The following OGA variants were observed in gnomAD, a reference collection of about 807,000 sequenced individuals.
OGA encodes the protein O-GlcNAcase.
OGA carries 21 observed loss-of-function variants against 102.0 expected under a neutral mutation model. That is an observed-to-expected ratio of 0.21 (90% CI 0.15 to 0.30). OGA has a LOEUF of 0.30. OGA is among the 10% of genes least tolerant of loss of function. The pLI is 1.00. For missense variants in OGA, 765 were observed against 1,107.8 expected, an observed-to-expected ratio of 0.69 and a Z score of 4.39; for synonymous variants, 408 against 378.2, an observed-to-expected ratio of 1.08 and a Z score of -0.91.
chr10:101,807,902 C>T lies in OGA; in HGVS notation c.481-1G>A. On this transcript the variant is annotated splice_acceptor_variant, in intron 4 of 15. Transcript: ENST00000361464. LOFTEE classifies it high-confidence loss of function. ...ATGATCTGCACCCAAACTGAGAAAC[C>T]TAGGAGAAAAAAAAAAAAAAGAATC... 6.7e-7 allele frequency: 1 copy of T among 1,484,574 alleles called. No individual in the cohort carries two copies. The highest frequency in any genetic ancestry group is 8.9e-7 in the Non-Finnish European group (1 of 1,119,260). The allele number at this position is 1,484,574 out of a possible 1,614,324, so 92.0% of individuals were successfully genotyped here.
intron 5 of OGA, among the ~76,000 whole-genome samples, chr10:101,806,899 C>T (rs1244791245): frequency 6.6e-6 from 1 of 152,130 alleles, no homozygotes; most frequent in Admixed American, 6.5e-5. Context: ...TATGGCGAAA[C>T]CCCGTCTCTA....
chr10:101,793,698 C>T (rs2065283962), intron 11 of OGA: 8 of 473,656 alleles, frequency 1.7e-5, no homozygotes, highest in South Asian at 8.8e-5. Context: ...AGAGCCGCTG[C>T]GCTTCGCAGG....
At chr10:101,816,799 T>C (rs1237539822) in intron 1 of OGA, among the ~76,000 whole-genome samples, 1 of 152,020 alleles carries the variant, frequency 6.6e-6, no homozygotes, top group Admixed American at 6.5e-5. Context: ...AAGAATACTC[T>C]AATTTATATG....
At chr10:101,789,132 G>A (rs1200742585) in intron 14 of OGA, among the ~76,000 whole-genome samples, 2 of 152,166 alleles carry the variant, frequency 1.3e-5, no homozygotes, top group Non-Finnish European at 2.9e-5. Context: ...AAGTAAGCGA[G>A]GCAACACCAA....
intron 10 of OGA, among the ~76,000 whole-genome samples, chr10:101,795,654 G>A (rs1163290107): frequency 3.9e-5 from 6 of 152,140 alleles, no homozygotes; most frequent in African/African-American, 9.7e-5. Context: ...TCTCCCTGTC[G>A]TGAGCTTTTG....
intron 7 of OGA, among the ~76,000 whole-genome samples, chr10:101,803,460 A>C (rs2065423845): frequency 6.7e-6 from 1 of 150,098 alleles, no homozygotes; most frequent in Admixed American, 6.6e-5. Flanking sequence ...AAAAAAAAAA[A>C]AACAAAAAAA....
At chr10:101,805,800 A>G (rs1222100905) in intron 6 of OGA, among the ~76,000 whole-genome samples, 1 of 142,538 alleles carries the variant, frequency 7.0e-6, no homozygotes, top group Non-Finnish European at 1.5e-5. Flanking sequence ...CTAAAAATAC[A>G]AAAAATTAGC....
At chr10:101,805,823 C>T (rs112825978) in intron 6 of OGA, among the ~76,000 whole-genome samples, 357 of 151,932 alleles carry the variant, frequency 2.3e-3, no homozygotes, top group African/African-American at 8.0e-3. Context: ...GGCGTGGTGG[C>T]GGGTGCCTGT....
At chr10:101,797,703 G>A in intron 10 of OGA, 1 of 562,086 alleles carries the variant, frequency 1.8e-6, no homozygotes, top group Non-Finnish European at 3.1e-6. Flanking sequence ...CATCCAGAAA[G>A]CATTCAGTCA....
intron 12 of OGA, among the ~76,000 whole-genome samples, chr10:101,792,214 GT>G (rs2065268349): frequency 6.6e-6 from 1 of 151,812 alleles, no homozygotes; most frequent in Non-Finnish European, 1.5e-5. Flanking sequence ...TAGAGACAAG[GT>G]TTCACCATGG....
chr10:101,787,032 C>T (rs999157670), intron 15 of OGA, among the ~76,000 whole-genome samples: 5 of 151,150 alleles, frequency 3.3e-5, no homozygotes, highest in Admixed American at 1.3e-4. Flanking sequence ...CCACCGTGCC[C>T]GGCCTTTTTT....
At chr10:101,791,522 A>C in intron 12 of OGA, 83 bp from the exon 13 acceptor site, 5 of 1,084,814 alleles carry the variant, frequency 4.6e-6, no homozygotes, top group Non-Finnish European at 7.0e-6. Flanking sequence ...CAGTCTGGGG[A>C]GGGAGTAACA....
In OGA at chr10:101,817,869, C is replaced by G. The variant is rs1390193495; in HGVS notation, c.154G>C (p.Gly52Arg). 5.2e-6 allele frequency: 8 copies of G among 1,547,078 alleles called. No homozygotes were observed. Among genetic ancestry groups the G allele is most frequent in the Non-Finnish European group, 6.1e-6 (7 of 1,149,360 alleles). ...AACCGCCGAGCCCCTCCTGCAGCCC[C>G]GGCCACCGCCGCTCCCCCAGCCCCG... ...PAGAGGAAVA[G>R]AAGGARRFLC... The change falls in exon 1 of 16, where the codon GGG becomes CGG. Residue 52 changes from glycine to arginine, a missense_variant. Physicochemically the swap from Gly to Arg is moderately radical, Grantham distance 125 (BLOSUM62 -2). Around this residue, in one of 7 missense-constraint regions of OGA, gnomAD observed 117 missense variants for 85.7 expected, o/e 1.36. Coordinates refer to ENST00000361464, the MANE Select transcript of OGA (RefSeq NM_012215.5).
intron 4 of OGA, among the ~76,000 whole-genome samples, chr10:101,809,202 G>A (rs2065516050): frequency 6.6e-6 from 1 of 152,034 alleles, no homozygotes; most frequent in Non-Finnish European, 1.5e-5. Context: ...AGCAGCCTAG[G>A]GTATATATAA....
At chr10:101,793,011 A>G in intron 11 of OGA, 68 bp from the exon 12 acceptor site, 2 of 1,199,808 alleles carry the variant, frequency 1.7e-6, no homozygotes, top group Non-Finnish European at 1.2e-6. Flanking sequence ...ATGGGTGTGC[A>G]CTGCAGATTA....
At chr10:101,799,943 G>A (rs1232346723) in intron 8 of OGA, among the ~76,000 whole-genome samples, 2 of 152,162 alleles carry the variant, frequency 1.3e-5, no homozygotes, top group African/African-American at 2.4e-5. Flanking sequence ...CTCAATCTTG[G>A]CTCACTGCAA....
chr10:101,813,698 C>T (rs1301758603), intron 1 of OGA, 92 bp from the exon 2 acceptor site: 13 of 683,856 alleles, frequency 1.9e-5, no homozygotes, highest in Admixed American at 2.8e-5. Context: ...TAATACAATC[C>T]TATTTTGTAA....
chr10:101,801,591 G>C (rs1185113415), intron 7 of OGA, among the ~76,000 whole-genome samples: 3 of 152,090 alleles, frequency 2.0e-5, no homozygotes, highest in African/African-American at 7.2e-5. Context: ...GCCACCCTTA[G>C]TATGTTCCTT....
At chr10:101,816,834 G>A (rs2065633263) in intron 1 of OGA, among the ~76,000 whole-genome samples, 1 of 152,086 alleles carries the variant, frequency 6.6e-6, no homozygotes, top group Admixed American at 6.6e-5. Context: ...AAAAGCTGAT[G>A]TTCTCAACGT....
Sources: gnomAD v4.1 joint callset for allele counts (sites outside exome capture counted in the v4.1 genomes callset) on GRCh38, gnomAD v4.1.1 for gene constraint, gnomAD v4.1.1 regional missense constraint, MANE v1.5 for transcripts, NCBI Gene and HGNC (gene_info 2026-07-23, HGNC 2026-07-21) for gene names.